Variants in ASAP1 observed in about 807,000 individuals in gnomAD.
ASAP1 encodes the protein ArfGAP with SH3 domain, ankyrin repeat and PH domain 1, also known as arf-GAP with SH3 domain, ANK repeat and PH domain-containing protein 1.
ASAP1 carries 43 observed loss-of-function variants against 145.2 expected under a neutral mutation model. That is an observed-to-expected ratio of 0.30 (90% CI 0.23 to 0.38). The LOEUF is 0.38. ASAP1 is among the 10% of genes least tolerant of loss of function. The probability of loss-of-function intolerance (pLI) is 1.00; values close to 1 mark genes in which losing one functional copy is unlikely to be tolerated. For synonymous variants in ASAP1, 546 were observed against 515.5 expected, an observed-to-expected ratio of 1.06 and a Z score of -0.80; for missense variants, 1,018 against 1,355.3, an observed-to-expected ratio of 0.75 and a Z score of 3.91.
intron 3 of ASAP1, among the ~76,000 whole-genome samples, chr8:130,283,552 C>T (rs1821385404): frequency 7.6e-6 from 1 of 131,232 alleles, no homozygotes; most frequent in African/African-American, 2.9e-5. Context: ...TGCACCACTC[C>T]AGCCTGGTGA....
At chr8:130,262,448 GAGAGAGA>G (rs1565149032) in intron 3 of ASAP1, among the ~76,000 whole-genome samples, 7,941 of 115,114 alleles carry the variant, frequency 0.069, 858 homozygotes, top group East Asian at 0.24. Flanking sequence ...GAGAGAGAGA[GAGAGAGA>G]GAACCTGTGG....
At chr8:130,228,645 G>C (rs145937658) in intron 4 of ASAP1, among the ~76,000 whole-genome samples, 1 of 150,370 alleles carries the variant, frequency 6.7e-6, no homozygotes, top group Non-Finnish European at 1.5e-5. Flanking sequence ...AGGCTGAAGT[G>C]AGCCAAGATC....
Position 130,402,001 on chromosome 8 carries a change from A to G in ASAP1, c.-27-31T>C. 2.0e-6 allele frequency: 3 copies of G among 1,473,842 alleles called. 1 individual carries two copies. The highest frequency in any genetic ancestry group is 2.8e-6 in the Non-Finnish European group (3 of 1,061,674). The allele number at this position is 1,473,842 out of a possible 1,614,324, so 91.3% of individuals were successfully genotyped here. The stretch of plus-strand genomic sequence containing the variant: ...TAGGGGGCAGGACAAAAAGGGGACA[A>G]GAGTCATCCGGTGAAACTGGGCAGA... On this transcript the variant is annotated intron_variant, in intron 1 of 29. Transcript: ENST00000518721.
Position 130,410,900 on chromosome 8 carries a change from G to A in ASAP1, c.-27-8930C>T, listed in dbSNP as rs148918244. ...TTTTGAGACAGAGTCTTGCTCTGTC[G>A]CCCAGGCTGGAGTGCAGTGACGTAA... On this transcript the variant is annotated intron_variant, in intron 1 of 29. Transcript: ENST00000518721. Among the ~76,000 whole-genome samples, 91 of 152,168 alleles carry A rather than the reference G, an allele frequency of 6.0e-4. 3 individuals are homozygous for A. In the East Asian group the frequency reaches 0.015, roughly 25 times the overall value.
At chr8:130,333,114 G>C (rs1434978850) in intron 3 of ASAP1, among the ~76,000 whole-genome samples, 1 of 151,706 alleles carries the variant, frequency 6.6e-6, no homozygotes, top group Non-Finnish European at 1.5e-5. Flanking sequence ...AACTCAAGGG[G>C]GAATTACAAT....
chr8:130,130,697 G>C (rs565789077), intron 15 of ASAP1, among the ~76,000 whole-genome samples: 1 of 152,190 alleles, frequency 6.6e-6, no homozygotes, highest in African/African-American at 2.4e-5. Context: ...CTGCAATCGA[G>C]GTATATAATC....
chr8:130,225,942 G>A (rs1190023124), intron 4 of ASAP1, among the ~76,000 whole-genome samples: 2 of 152,220 alleles, frequency 1.3e-5, no homozygotes, highest in South Asian at 4.1e-4. Flanking sequence ...GCCGCGGCAT[G>A]GTCATAGCTT....
intron 2 of ASAP1, among the ~76,000 whole-genome samples, chr8:130,384,222 G>A (rs566634015): frequency 6.6e-6 from 1 of 152,304 alleles, no homozygotes. Flanking sequence ...CAGCAGGGAA[G>A]GGCCTCGCTG....
In ASAP1 at chr8:130,182,688, G is replaced by A. The variant is rs944975297; in HGVS notation, c.531-1808C>T. Among the ~76,000 whole-genome samples, 5 of 152,214 alleles carry A rather than the reference G, an allele frequency of 3.3e-5. No homozygotes were observed. In the East Asian group the frequency reaches 5.8e-4, roughly 18 times the overall value. Reference sequence around the variant, plus strand: ...ATAAGTCTCCAAAATGAAAGTGAGAGTGAAAGTATTAATAACAAAAGGGGG... The same window carrying A: ...ATAAGTCTCCAAAATGAAAGTGAGAATGAAAGTATTAATAACAAAAGGGGG... On this transcript the variant is annotated intron_variant, in intron 7 of 29. Transcript: ENST00000518721.
rs1017160605 is a variant in ASAP1, at chr8:130,167,614, C to G, written c.831G>C (p.Gln277His). ...GCTGTTTCTTTTCTTCATCCTGGGT[C>G]TGTTTTATCTATGAAAAAAAAATTA... ...KLAADLYNIK[Q>H]TQDEEKKQLT... The change falls in exon 11 of 30, where the codon CAG becomes CAC. Residue 277 changes from glutamine to histidine, a missense_variant. Gln to His is a conservative substitution (Grantham distance 24). Transcript: ENST00000518721. 2 of 1,606,954 alleles carry G rather than the reference C, an allele frequency of 1.2e-6. No individual in the cohort carries two copies. The highest frequency in any genetic ancestry group is 2.7e-5 in the African/African-American group (2 of 73,734).
At chr8:130,443,149 C>T (rs1164887965) in intron 1 of ASAP1, among the ~76,000 whole-genome samples, 1 of 152,032 alleles carries the variant, frequency 6.6e-6, no homozygotes, top group Non-Finnish European at 1.5e-5. Context: ...CGAAACCCCC[C>T]AGGGCGGGCC....
Position 130,125,393 on chromosome 8 carries a change from A to AC in ASAP1, c.1515+562_1515+563insG, listed in dbSNP as rs1257207545. On this transcript the variant is annotated intron_variant, in intron 17 of 29. Coordinates refer to ENST00000518721, the MANE Select transcript of ASAP1 (RefSeq NM_018482.4). ...GAAGGGCAGAGGTTAAAGGAAAACAAGTTTAAGTGTACATAACCCCTTTTT... is the reference window on the plus strand; with the variant it reads ...GAAGGGCAGAGGTTAAAGGAAAACAACGTTTAAGTGTACATAACCCCTTTTT... Among the ~76,000 whole-genome samples, 5 of 152,098 alleles carry AC rather than the reference A, an allele frequency of 3.3e-5. No homozygotes were observed. In the South Asian group the frequency reaches 1.0e-3, roughly 32 times the overall value.
chr8:130,054,451 G>A lies in ASAP1; in HGVS notation c.*280C>T, dbSNP rs577644105. 1.6e-4 allele frequency: 47 copies of A among 293,454 alleles called. No homozygotes were observed. Among genetic ancestry groups the A allele is most frequent in the Non-Finnish European group, 3.0e-4 (45 of 148,886 alleles). The allele number at this position is 293,454 out of a possible 1,614,324, so 18.2% of individuals were successfully genotyped here. Reference sequence around the variant, plus strand: ...CAGCAGTTCCTATACTCCTATTTTTGTTTGTTTGCTTGTAGAACAGCATAG... The same window carrying A: ...CAGCAGTTCCTATACTCCTATTTTTATTTGTTTGCTTGTAGAACAGCATAG... On this transcript the variant is annotated 3_prime_UTR_variant, in exon 30 of 30. Coordinates refer to ENST00000518721, the MANE Select transcript of ASAP1 (RefSeq NM_018482.4).
chr8:130,378,762 T>C (rs1827624054), intron 2 of ASAP1, among the ~76,000 whole-genome samples: 1 of 152,238 alleles, frequency 6.6e-6, no homozygotes, highest in Non-Finnish European at 1.5e-5. Flanking sequence ...GTAGGTGCCC[T>C]GCAGATGTCT....
At chr8:130,109,711 TG>T (rs1457065970) in intron 24 of ASAP1, among the ~76,000 whole-genome samples, 2 of 152,230 alleles carry the variant, frequency 1.3e-5, no homozygotes, top group Non-Finnish European at 2.9e-5. Flanking sequence ...GAGTATCAGC[TG>T]ATCTTTAACA....
chr8:130,422,490 T>C (rs1829760118), intron 1 of ASAP1, among the ~76,000 whole-genome samples: 1 of 152,216 alleles, frequency 6.6e-6, no homozygotes, highest in African/African-American at 2.4e-5. Flanking sequence ...TCTTACACAG[T>C]GTACTTTCCC....
chr8:130,206,112 C>A (rs1230769442), intron 5 of ASAP1, among the ~76,000 whole-genome samples: 1 of 151,930 alleles, frequency 6.6e-6, no homozygotes, highest in African/African-American at 2.4e-5. Flanking sequence ...CTTACCCACC[C>A]ACCAACCCAC....
intron 15 of ASAP1, among the ~76,000 whole-genome samples, chr8:130,129,317 A>C (rs1279042836): frequency 1.3e-5 from 2 of 152,242 alleles, no homozygotes; most frequent in Non-Finnish European, 2.9e-5. Context: ...AAATATATGT[A>C]TGTAATAAAG....
At chr8:130,133,472 A>C (rs561513757) in intron 15 of ASAP1, among the ~76,000 whole-genome samples, 15 of 151,668 alleles carry the variant, frequency 9.9e-5, no homozygotes, top group Admixed American at 1.3e-4. Flanking sequence ...CTGGCTAACA[A>C]GGTGAAACCC....
Sources: gnomAD v4.1 joint callset for allele counts (sites outside exome capture counted in the v4.1 genomes callset) on GRCh38, gnomAD v4.1.1 for gene constraint, MANE v1.5 for transcripts, NCBI Gene and HGNC (gene_info 2026-07-23, HGNC 2026-07-21) for gene names.